RXRA: variants seen among roughly 807,000 people sequenced by gnomAD.
RXRA encodes the protein retinoic acid receptor RXR-alpha.
A neutral mutation model predicts 44.5 loss-of-function variants in RXRA; 5 were observed. That is an observed-to-expected ratio of 0.11 (90% CI 0.06 to 0.24). RXRA has a LOEUF of 0.24. Ranked by LOEUF, RXRA falls within the 10% of genes least tolerant of loss-of-function variation. The pLI is 1.00. For synonymous variants in RXRA, 291 were observed against 271.4 expected, an observed-to-expected ratio of 1.07 and a Z score of -0.71; for missense variants, 412 against 646.5, an observed-to-expected ratio of 0.64 and a Z score of 3.93.
chr9:134,340,060 T>A (rs1477566847), intron 1 of RXRA, among the ~76,000 whole-genome samples: 2 of 152,100 alleles, frequency 1.3e-5, no homozygotes, highest in African/African-American at 4.8e-5. Context: ...TCTGTCCCTG[T>A]CCCTGTGTGA....
chr9:134,408,222 A>G lies in RXRA; in HGVS notation c.353A>G (p.Lys118Arg), dbSNP rs2119157617. 1.2e-6 allele frequency: 2 copies of G among 1,611,758 alleles called. No individual in the cohort carries two copies. The highest frequency in any genetic ancestry group is 2.2e-5 in the East Asian group (1 of 44,794). ...KPPLGLNGVL[K>R]VPAHPSGNMA... ...CCCCTGGGCCTCAATGGCGTCCTCA[A>G]GGTCCCCGCCCACCCCTCAGGAAAC... Residue 118 changes from lysine (K) to arginine (R), a missense_variant, in exon 3 of 10, where the codon AAG becomes AGG. Around this residue, in one of 4 missense-constraint regions of RXRA, gnomAD observed 156 missense variants for 177.2 expected, o/e 0.88. Transcript: ENST00000481739.
intron 1 of RXRA, among the ~76,000 whole-genome samples, chr9:134,373,299 G>A (rs1291121369): frequency 2.0e-5 from 3 of 152,096 alleles, no homozygotes; most frequent in Admixed American, 6.5e-5. Flanking sequence ...CCACCGAGAC[G>A]CACTGAGTTA....
At chr9:134,397,626 C>T (rs1053571860) in intron 1 of RXRA, among the ~76,000 whole-genome samples, 7 of 152,206 alleles carry the variant, frequency 4.6e-5, no homozygotes, top group African/African-American at 1.7e-4. Context: ...TCCGTTTAGC[C>T]CTGGAGGTCC....
intron 6 of RXRA, among the ~76,000 whole-genome samples, chr9:134,427,723 G>A (rs1018969086): frequency 1.3e-5 from 2 of 152,226 alleles, no homozygotes; most frequent in African/African-American, 4.8e-5. Flanking sequence ...GGGCCGAGCC[G>A]GAGCTGGCAC....
At chr9:134,352,244 G>A (rs1554749568) in intron 1 of RXRA, among the ~76,000 whole-genome samples, 1 of 152,122 alleles carries the variant, frequency 6.6e-6, no homozygotes, top group Non-Finnish European at 1.5e-5. Flanking sequence ...CTCCTGGGGT[G>A]CCTGGAAAAC....
At chr9:134,404,153 C>T (rs943929584) in intron 2 of RXRA, 2 of 152,264 alleles carry the variant, frequency 1.3e-5, no homozygotes, top group African/African-American at 4.8e-5. Flanking sequence ...AAGTCAGAGT[C>T]GCTGGAGCCA....
intron 9 of RXRA, among the ~76,000 whole-genome samples, chr9:134,436,009 T>C (rs9409998): frequency 0.1 from 15,228 of 152,132 alleles, 1,020 homozygotes; most frequent in Non-Finnish European, 0.15. Context: ...CTTGCTACTG[T>C]TTTTCTCTTT....
chr9:134,375,250 G>A lies in RXRA; in HGVS notation c.29-26382G>A, dbSNP rs189328855. Among the ~76,000 whole-genome samples, 270 of 152,320 alleles carry A rather than the reference G, an allele frequency of 1.8e-3. 1 individual carries two copies. The highest frequency in any genetic ancestry group is 6.2e-3 in the African/African-American group (258 of 41,560). ...TTCCTGGAATGACCCAAGGCTGGGG[G>A]TGGAGAGCAGGCCGGGCCAGAGCGC... On this transcript the variant is annotated intron_variant, in intron 1 of 9. Coordinates refer to ENST00000481739, the MANE Select transcript of RXRA (RefSeq NM_002957.6).
chr9:134,426,264 C>T lies in RXRA; in HGVS notation c.911-2844C>T, dbSNP rs1025222513. The stretch of plus-strand genomic sequence containing the variant: ...GAGCCGTTTAAAGCTGTGTCCGTGC[C>T]GGGCCCCCACATCACAGGGCCAGGA... On this transcript the variant is annotated intron_variant, in intron 6 of 9. Transcript: ENST00000481739. The surrounding 1 kb of genome is among the most constrained non-coding windows in gnomAD (Gnocchi z 4.6). 22 of 985,312 alleles carry T rather than the reference C, an allele frequency of 2.2e-5. No individual in the cohort carries two copies. In the South Asian group the frequency reaches 3.3e-4, roughly 15 times the overall value. The allele number at this position is 985,312 out of a possible 1,614,324, so 61.0% of individuals were successfully genotyped here.
chr9:134,380,728 G>A (rs922356168), intron 1 of RXRA, among the ~76,000 whole-genome samples: 1 of 152,132 alleles, frequency 6.6e-6, no homozygotes, highest in Non-Finnish European at 1.5e-5. Context: ...GCTGGCCACC[G>A]AGCCTCATGA....
Position 134,436,968 on chromosome 9 carries a change from G to T in RXRA, c.*354G>T, listed in dbSNP as rs1468767917. ...CCAGCCCTGGAGCTGCAGGAGTTGGGAACGGGGCTTTTGTTTCCGTTGCTG... is the reference window on the plus strand; with the variant it reads ...CCAGCCCTGGAGCTGCAGGAGTTGGTAACGGGGCTTTTGTTTCCGTTGCTG... On this transcript the variant is annotated 3_prime_UTR_variant, in exon 10 of 10. Coordinates refer to ENST00000481739, the MANE Select transcript of RXRA (RefSeq NM_002957.6). 2 of 254,310 alleles carry T rather than the reference G, an allele frequency of 7.9e-6. No individual in the cohort carries two copies. Among genetic ancestry groups the T allele is most frequent in the Non-Finnish European group, 1.5e-5 (2 of 131,220 alleles). 15.8% of individuals were successfully genotyped at this position (254,310 alleles called of 1,614,324 possible). A position where few individuals can be genotyped will look rare whatever the true frequency, so the allele number is the denominator to read the frequency against.
intron 7 of RXRA, among the ~76,000 whole-genome samples, chr9:134,431,223 G>T (rs986168288): frequency 2.0e-5 from 3 of 152,258 alleles, no homozygotes; most frequent in Admixed American, 6.5e-5. Context: ...AGGCTAGGGG[G>T]CCCAGTACAC....
intron 4 of RXRA, among the ~76,000 whole-genome samples, chr9:134,414,662 A>G (rs1186298807): frequency 6.6e-6 from 1 of 152,200 alleles, no homozygotes; most frequent in African/African-American, 2.4e-5. Context: ...TCAGAGCCTC[A>G]GCTTCCCCAC....
chr9:134,355,261 G>A (rs1830269183), intron 1 of RXRA, among the ~76,000 whole-genome samples: 2 of 152,176 alleles, frequency 1.3e-5, no homozygotes, highest in Admixed American at 6.5e-5. Context: ...AGTGTGCCTG[G>A]GCCCGGCATG....
intron 1 of RXRA, among the ~76,000 whole-genome samples, chr9:134,381,938 A>G (rs894295164): frequency 4.6e-5 from 7 of 151,940 alleles, no homozygotes; most frequent in African/African-American, 1.2e-4. Flanking sequence ...TGAAAACTGT[A>G]CCTGTGGGCA....
chr9:134,331,611 C>T (rs1305730376), intron 1 of RXRA, among the ~76,000 whole-genome samples: 1 of 152,234 alleles, frequency 6.6e-6, no homozygotes, highest in Non-Finnish European at 1.5e-5. Flanking sequence ...ACTCACCCTA[C>T]CCCCACGAAG....
intron 1 of RXRA, chr9:134,379,723 G>A (rs1363351028): frequency 8.1e-6 from 8 of 985,304 alleles, no homozygotes; most frequent in South Asian, 4.7e-5. Flanking sequence ...CAGCCTGGGC[G>A]GGTTCGTGGG....
Position 134,433,567 on chromosome 9 carries a change from T to TCACAGG in RXRA, c.1136-535_1136-534insCACAGG, listed in dbSNP as rs1306602081. Among the ~76,000 whole-genome samples, 1 of 146,810 alleles carries TCACAGG rather than the reference T, an allele frequency of 6.8e-6. No homozygotes were observed. The highest frequency in any genetic ancestry group is 2.7e-5 in the African/African-American group (1 of 36,732). Reference sequence around the variant, plus strand: ...AGGGGGTCCCTGGGCCTTGGAGGTTTTGGTGGCTGCAATCTTAGCCTCTCT... The same window carrying TCACAGG: ...AGGGGGTCCCTGGGCCTTGGAGGTTTCACAGGTGGTGGCTGCAATCTTAGCCTCTCT... On this transcript the variant is annotated intron_variant, in intron 8 of 9. Coordinates refer to ENST00000481739, the MANE Select transcript of RXRA (RefSeq NM_002957.6). This position sits in a 1 kb window ranked among gnomAD's most constrained non-coding sequence, Gnocchi z 4.2.
At chr9:134,422,525 C>A (rs1177107055) in intron 6 of RXRA, 7 of 1,223,524 alleles carry the variant, frequency 5.7e-6, no homozygotes, top group Admixed American at 2.5e-5. Flanking sequence ...GGGACACTCC[C>A]CCCTTCCGGG....
Sources: gnomAD v4.1 joint callset for allele counts (sites outside exome capture counted in the v4.1 genomes callset) on GRCh38, gnomAD v4.1.1 for gene constraint, gnomAD v4.1.1 regional missense constraint, Gnocchi (gnomAD v3.1) non-coding constraint, MANE v1.5 for transcripts, NCBI Gene and HGNC (gene_info 2026-07-23, HGNC 2026-07-21) for gene names.